CLOCK: variants seen among roughly 807,000 people sequenced by gnomAD.
CLOCK encodes the protein circadian locomoter output cycles protein kaput.
In CLOCK, 43 loss-of-function variants were observed where a neutral mutation model predicts 118.4. The ratio of observed to expected loss-of-function variants is 0.36; its 90% CI spans 0.28 to 0.47. The LOEUF (loss-of-function observed/expected upper bound fraction) is 0.47. Ranked by LOEUF, CLOCK falls within the 20% of genes least tolerant of loss-of-function variation. The probability of loss-of-function intolerance (pLI) is 1.00; values close to 1 mark genes in which losing one functional copy is unlikely to be tolerated. For synonymous variants in CLOCK, 326 were observed against 339.2 expected (o/e 0.96, Z 0.43); for missense variants, 846 against 999.9 (o/e 0.85, Z 2.08).
At chr4:55,529,799 G>A (rs1186531204) in intron 1 of CLOCK, among the ~76,000 whole-genome samples, 2 of 152,200 alleles carry the variant, frequency 1.3e-5, no homozygotes, top group Admixed American at 6.5e-5. Flanking sequence ...ACACAGTCAG[G>A]AAGTCTGGTT....
At chr4:55,442,745 G>T (rs1723477777) in intron 20 of CLOCK, 111 bp from the exon 21 acceptor site, 1 of 954,652 alleles carries the variant, frequency 1.0e-6, no homozygotes, top group Non-Finnish European at 1.6e-6. Flanking sequence ...GAAAGAAGTG[G>T]CAGGATATAT....
intron 21 of CLOCK, 25 bp downstream of exon 21, chr4:55,442,407 A>G: frequency 6.3e-6 from 10 of 1,587,220 alleles, no homozygotes; most frequent in Non-Finnish European, 8.6e-6. Flanking sequence ...AATTTTAAAA[A>G]TAACAAATGA....
intron 1 of CLOCK, among the ~76,000 whole-genome samples, chr4:55,542,238 G>A (rs1386291970): frequency 6.6e-6 from 1 of 151,138 alleles, no homozygotes; most frequent in African/African-American, 2.4e-5. Context: ...GCTACTCTTG[G>A]AGGGCTAAGG....
rs757126558 is a variant in CLOCK, at chr4:55,435,603, C to A, written c.2362-9G>T. On this transcript the variant is annotated splice_polypyrimidine_tract_variant and intron_variant, in intron 22 of 22. Transcript: ENST00000513440. ...TGGAGCAACCTAGAAGTCTAAAAAA[C>A]AAATGGATTATGCAGCATTGCTTTA... 6.2e-7 allele frequency: 1 copy of A among 1,613,672 alleles called. No homozygotes were observed. The highest frequency in any genetic ancestry group is 2.2e-5 in the East Asian group (1 of 44,880).
At chr4:55,445,582 C>CTTTGTTTTTTTTTTTTTTTTT (rs1723748277) in intron 18 of CLOCK, among the ~76,000 whole-genome samples, 1 of 68,574 alleles carries the variant, frequency 1.5e-5, no homozygotes, top group Non-Finnish European at 2.7e-5. Context: ...TTTCTATATT[C>CTTTGTTTTTTTTTTTTTTTTT]TTTTTTTTTT....
intron 13 of CLOCK, among the ~76,000 whole-genome samples, chr4:55,454,564 G>A (rs960894920): frequency 1.5e-5 from 2 of 131,694 alleles, no homozygotes; most frequent in African/African-American, 5.8e-5. Context: ...GCAGTGAGCT[G>A]AGACACGCCA....
chr4:55,462,844 T>TTTTGTG (rs1553893963), intron 9 of CLOCK, among the ~76,000 whole-genome samples: 1 of 151,330 alleles, frequency 6.6e-6, no homozygotes, highest in Non-Finnish European at 1.5e-5. Flanking sequence ...ACACACAGAT[T>TTTTGTG]TGTGTGAGTG....
intron 9 of CLOCK, 94 bp downstream of exon 9, chr4:55,463,591 G>T: frequency 7.9e-7 from 1 of 1,263,736 alleles, no homozygotes. Context: ...GAGTAATGCT[G>T]TATTTAAAGA....
intron 7 of CLOCK, among the ~76,000 whole-genome samples, chr4:55,473,382 AATT>A (rs1391692078): frequency 6.6e-6 from 1 of 152,188 alleles, no homozygotes; most frequent in African/African-American, 2.4e-5. Context: ...AATATATAAA[AATT>A]ATTCACTTAT....
chr4:55,443,728 G>C lies in CLOCK; in HGVS notation c.1861C>G (p.His621Asp), dbSNP rs755308874. ...MNTGHIGTTQ[H>D]MIQQQTLQST... ...TGTAAAGTCTGTTGTTGTATCATGTGCTGAGTTGTGCCAATGTGTCCAGTA... is the reference window on the plus strand; with the variant it reads ...TGTAAAGTCTGTTGTTGTATCATGTCCTGAGTTGTGCCAATGTGTCCAGTA... The change falls in exon 20 of 23, where the codon CAC becomes GAC. Residue 621 changes from histidine to aspartate, a missense_variant. His to Asp is a moderately conservative substitution (Grantham distance 81). Transcript: ENST00000513440. 1 of 1,614,088 alleles carries C rather than the reference G, an allele frequency of 6.2e-7. No individual in the cohort carries two copies. The highest frequency in any genetic ancestry group is 1.7e-5 in the Admixed American group (1 of 60,020).
chr4:55,532,372 T>C (rs182675145), intron 1 of CLOCK, among the ~76,000 whole-genome samples: 9 of 152,218 alleles, frequency 5.9e-5, no homozygotes, highest in African/African-American at 1.9e-4. Context: ...AAGAAAATTA[T>C]CTCTGTATAC....
intron 18 of CLOCK, 94 bp from the exon 19 acceptor site, chr4:55,444,879 T>A (rs1560417924): frequency 7.8e-7 from 1 of 1,282,034 alleles, no homozygotes; most frequent in Non-Finnish European, 1.1e-6. Flanking sequence ...ATAACATGAG[T>A]GAAGGATGAT....
At chr4:55,493,707 G>A (rs572593579) in intron 2 of CLOCK, among the ~76,000 whole-genome samples, 2 of 152,114 alleles carry the variant, frequency 1.3e-5, no homozygotes, top group African/African-American at 2.4e-5. Context: ...CTCTACAACC[G>A]ATATAAGATA....
intron 1 of CLOCK, among the ~76,000 whole-genome samples, chr4:55,542,258 C>G (rs1040586296): frequency 2.7e-5 from 4 of 150,762 alleles, no homozygotes; most frequent in Non-Finnish European, 4.4e-5. Flanking sequence ...GCAGGAGAAT[C>G]GCTTGAACCA....
At chr4:55,494,543 A>G (rs1046529720) in intron 2 of CLOCK, among the ~76,000 whole-genome samples, 1 of 152,052 alleles carries the variant, frequency 6.6e-6, no homozygotes, top group Non-Finnish European at 1.5e-5. Flanking sequence ...AGAATGATAC[A>G]ATGGACCATG....
At chr4:55,543,788 A>G (rs1463607288) in intron 1 of CLOCK, among the ~76,000 whole-genome samples, 1 of 152,202 alleles carries the variant, frequency 6.6e-6, no homozygotes, top group East Asian at 1.9e-4. Context: ...AAAAAAAAAA[A>G]AAATTGAAAT....
intron 22 of CLOCK, among the ~76,000 whole-genome samples, chr4:55,437,209 C>G (rs984408653): frequency 6.6e-6 from 1 of 152,068 alleles, no homozygotes; most frequent in African/African-American, 2.4e-5. Flanking sequence ...ATATTTGGAC[C>G]AGGACACAAA....
chr4:55,515,674 C>A (rs1359967038), intron 1 of CLOCK, among the ~76,000 whole-genome samples: 1 of 152,156 alleles, frequency 6.6e-6, no homozygotes, highest in Non-Finnish European at 1.5e-5. Flanking sequence ...CGAGCCACCA[C>A]GCCCAGCCTC....
chr4:55,532,222 T>C (rs1018028168), intron 1 of CLOCK, among the ~76,000 whole-genome samples: 12 of 152,134 alleles, frequency 7.9e-5, no homozygotes, highest in Non-Finnish European at 1.5e-5. Context: ...TCCTATTCAA[T>C]GGTAAAAGAC....
Sources: allele counts gnomAD v4.1 joint callset (sites outside exome capture counted in the v4.1 genomes callset), GRCh38; gene constraint gnomAD v4.1.1; transcripts MANE v1.5; gene names NCBI Gene and HGNC (gene_info 2026-07-23, HGNC 2026-07-21).